AGBL1: variants seen among roughly 807,000 people sequenced by gnomAD.
The protein encoded by AGBL1 is AGBL carboxypeptidase 1, also known as cytosolic carboxypeptidase 4.
In AGBL1, 130 loss-of-function variants were observed where a neutral mutation model predicts 118.9. The ratio of observed to expected loss-of-function variants is 1.09; its 90% CI spans 0.95 to 1.26. The LOEUF (loss-of-function observed/expected upper bound fraction) is 1.26. Among genes scored for constraint, AGBL1 ranks in the 50% most tolerant of loss-of-function variants. AGBL1 has a pLI of 0.00. For synonymous variants in AGBL1, 555 were observed against 478.9 expected, an observed-to-expected ratio of 1.16 and a Z score of -2.08; for missense variants, 1,584 against 1,298.1, an observed-to-expected ratio of 1.22 and a Z score of -3.38.
At chr15:86,766,217 G>A (rs1435118575) in intron 22 of AGBL1, among the ~76,000 whole-genome samples, 1 of 151,886 alleles carries the variant, frequency 6.6e-6, no homozygotes, top group Non-Finnish European at 1.5e-5. Flanking sequence ...TCAAACCCAA[G>A]TGGTGCAGCT....
intron 22 of AGBL1, among the ~76,000 whole-genome samples, chr15:86,724,715 A>G (rs1159492360): frequency 1.3e-5 from 2 of 152,166 alleles, no homozygotes; most frequent in African/African-American, 2.4e-5. Flanking sequence ...TGTTGGGGTC[A>G]TGGGAGTGGA....
chr15:86,522,310 C>T (rs1474805423), intron 18 of AGBL1, among the ~76,000 whole-genome samples: 1 of 152,122 alleles, frequency 6.6e-6, no homozygotes, highest in Admixed American at 6.6e-5. Flanking sequence ...AGCCTAGCTC[C>T]TTCTTATGGC....
chr15:86,562,734 G>T (rs547662760), intron 21 of AGBL1, among the ~76,000 whole-genome samples: 5 of 152,278 alleles, frequency 3.3e-5, no homozygotes, highest in African/African-American at 4.8e-5. Flanking sequence ...GCTCCTCCTT[G>T]TACCTCTGGT....
At chr15:86,736,043 C>A (rs928738332) in intron 22 of AGBL1, among the ~76,000 whole-genome samples, 1 of 152,012 alleles carries the variant, frequency 6.6e-6, no homozygotes, top group Non-Finnish European at 1.5e-5. Context: ...AGGTCTATGA[C>A]CTCAAAGAGC....
intron 19 of AGBL1, 148 bp from the exon 20 acceptor site, chr15:86,545,854 G>A: frequency 2.2e-6 from 2 of 896,168 alleles, no homozygotes; most frequent in South Asian, 3.4e-5. Flanking sequence ...ATCCGCACAT[G>A]GCTGGTCTGC....
chr15:86,362,789 C>T (rs903787939), intron 17 of AGBL1, among the ~76,000 whole-genome samples: 1 of 152,156 alleles, frequency 6.6e-6, no homozygotes. Flanking sequence ...GCAGTAGGGA[C>T]CAAAGTCAGG....
At chr15:86,115,278 G>A (rs117410689) in intron 1 of AGBL1, among the ~76,000 whole-genome samples, 1,611 of 152,248 alleles carry the variant, frequency 0.011, 15 homozygotes, top group East Asian at 0.047. Context: ...ATGAAATTTT[G>A]ACAGCAACAT....
intron 22 of AGBL1, among the ~76,000 whole-genome samples, chr15:86,836,509 T>C (rs2141426914): frequency 6.6e-6 from 1 of 152,298 alleles, no homozygotes; most frequent in African/African-American, 2.4e-5. Context: ...GATTCTACTT[T>C]TTCTCAGGTC....
At position 86,908,376 on chromosome 15, in the gene AGBL1, G is replaced by C. The variant is rs1210969818; in HGVS notation, c.*1082G>C. The C allele has an allele frequency of 6.6e-6, 1 of 152,148 alleles. No homozygotes were observed. The highest frequency in any genetic ancestry group is 1.5e-5 in the Non-Finnish European group (1 of 68,050). The allele number at this position is 152,148 out of a possible 1,614,324, so 9.4% of individuals were successfully genotyped here. The stretch of plus-strand genomic sequence containing the variant: ...CTACAAAAATTAGCCAAGTGTGGTG[G>C]CGCACACCTGTAATCCCAGCTACTT... On this transcript the variant is annotated 3_prime_UTR_variant, in exon 23 of 23. Coordinates refer to ENST00000614907, the MANE Select transcript of AGBL1 (RefSeq NM_001386094.1).
chr15:86,642,568 A>G (rs1439730948), intron 21 of AGBL1, among the ~76,000 whole-genome samples: 2 of 151,310 alleles, frequency 1.3e-5, no homozygotes, highest in South Asian at 2.1e-4. Flanking sequence ...ACAACATGCA[A>G]CTTTTGTCTT....
intron 21 of AGBL1, among the ~76,000 whole-genome samples, chr15:86,622,991 A>C (rs2084835215): frequency 6.6e-6 from 1 of 152,170 alleles, no homozygotes; most frequent in Non-Finnish European, 1.5e-5. Flanking sequence ...TCAAGTGCAC[A>C]GTTCACAATA....
At chr15:86,325,253 A>G (rs181912668) in intron 17 of AGBL1, among the ~76,000 whole-genome samples, 32 of 152,304 alleles carry the variant, frequency 2.1e-4, no homozygotes, top group Admixed American at 1.8e-3. Context: ...AATGTATGAA[A>G]AATATTTGGG....
At chr15:86,238,387 GT>G (rs1247195219) in intron 6 of AGBL1, among the ~76,000 whole-genome samples, 4 of 152,190 alleles carry the variant, frequency 2.6e-5, no homozygotes, top group African/African-American at 4.8e-5. Flanking sequence ...GGTTTTGGGT[GT>G]GTGAACATGG....
chr15:86,802,879 A>G (rs1368859387), intron 22 of AGBL1, among the ~76,000 whole-genome samples: 1 of 152,142 alleles, frequency 6.6e-6, no homozygotes, highest in African/African-American at 2.4e-5. Context: ...TTTATCTACA[A>G]AAGGAAGATA....
intron 1 of AGBL1, chr15:86,109,915 A>C (rs1393782076): frequency 6.6e-6 from 1 of 152,358 alleles, no homozygotes; most frequent in East Asian, 1.9e-4. Context: ...TATCCACAAA[A>C]GTTTCTGCAA....
At chr15:86,258,490 T>A (rs887528447) in intron 9 of AGBL1, among the ~76,000 whole-genome samples, 5 of 152,228 alleles carry the variant, frequency 3.3e-5, no homozygotes, top group Non-Finnish European at 7.3e-5. Context: ...AGTTGCACAG[T>A]GCACAACCTG....
chr15:86,945,699 A>G (rs981204875), intron 23 of AGBL1, among the ~76,000 whole-genome samples: 6 of 152,182 alleles, frequency 3.9e-5, no homozygotes, highest in African/African-American at 1.2e-4. Context: ...AAACTGTTAC[A>G]ACTTATTAAA....
At chr15:86,218,857 T>C (rs1201623888) in intron 5 of AGBL1, among the ~76,000 whole-genome samples, 1 of 152,188 alleles carries the variant, frequency 6.6e-6, no homozygotes, top group South Asian at 2.1e-4. Flanking sequence ...CCTTCCCCAG[T>C]TGAGCCTCAA....
At chr15:86,277,738 C>G (rs150320582) in intron 15 of AGBL1, among the ~76,000 whole-genome samples, 261 of 152,298 alleles carry the variant, frequency 1.7e-3, no homozygotes, top group African/African-American at 6.0e-3. Context: ...ATTTTTGAGT[C>G]AAGATACAGG....
Sources: allele counts gnomAD v4.1 joint callset (sites outside exome capture counted in the v4.1 genomes callset), GRCh38; gene constraint gnomAD v4.1.1; transcripts MANE v1.5; gene names NCBI Gene and HGNC (gene_info 2026-07-23, HGNC 2026-07-21).